Variants in PRELID2 observed in about 807,000 individuals in gnomAD.
PRELID2 encodes the protein PRELI domain containing 2, also known as PRELI domain-containing protein 2.
Under a neutral mutation model 28.4 loss-of-function variants are expected in PRELID2, and 25 were observed. The observed-to-expected ratio is 0.88, with a 90% CI of 0.64 to 1.23. The LOEUF (loss-of-function observed/expected upper bound fraction) is 1.23. PRELID2 is among the 50% of genes most tolerant of loss of function. The pLI is 0.00. For synonymous variants in PRELID2, 76 were observed against 71.6 expected, an observed-to-expected ratio of 1.06 and a Z score of -0.31; for missense variants, 201 against 214.4, an observed-to-expected ratio of 0.94 and a Z score of 0.39.
chr5:145,298,000 C>A, the PRELID2 span, among the ~76,000 whole-genome samples: 1 of 152,138 alleles, frequency 6.6e-6, no homozygotes, highest in African/African-American at 2.4e-5. Context: ...ACATTCCATT[C>A]TCATGGGTAG....
At chr5:145,784,497 T>G (rs546130543) in intron 5 of PRELID2, among the ~76,000 whole-genome samples, 1 of 152,260 alleles carries the variant, frequency 6.6e-6, no homozygotes, top group African/African-American at 2.4e-5. Context: ...AGTGCCAAAT[T>G]TGCGGAATTC....
rs1757279388 is a variant in PRELID2 at position 145,757,078 on chromosome 5, T to C, written c.*3458A>G. Among the ~76,000 whole-genome samples, 1 of 152,194 alleles carries C rather than the reference T, an allele frequency of 6.6e-6. No homozygotes were observed. Among genetic ancestry groups the C allele is most frequent in the Non-Finnish European group, 1.5e-5 (1 of 68,032 alleles). ...TACTAAATTAAGAAATAGTTTGATG[T>C]AAATGATTGAAATAAAGTAAAAAAG... is the stretch of plus-strand genomic sequence containing the variant. On this transcript the variant is annotated 3_prime_UTR_variant, in exon 7 of 7. Coordinates refer to ENST00000683046, the MANE Select transcript of PRELID2 (RefSeq NM_205846.3).
At chr5:145,237,384 A>G in the PRELID2 span, among the ~76,000 whole-genome samples, 1 of 152,148 alleles carries the variant, frequency 6.6e-6, no homozygotes, top group Non-Finnish European at 1.5e-5. Context: ...AGGGTGGGAT[A>G]GCTATATATG....
intron 1 of PRELID2, among the ~76,000 whole-genome samples, chr5:145,537,510 C>A (rs779580373): frequency 6.6e-6 from 1 of 151,976 alleles, no homozygotes; most frequent in Admixed American, 6.6e-5. Flanking sequence ...TGATAGTAGC[C>A]ATTCCAACAG....
At chr5:145,333,495 T>A in the PRELID2 span, among the ~76,000 whole-genome samples, 3 of 152,188 alleles carry the variant, frequency 2.0e-5, no homozygotes, top group African/African-American at 7.2e-5. Flanking sequence ...AGAGAGGCAG[T>A]CTGGCTACAG....
chr5:145,832,074 A>T (rs1654166), intron 1 of PRELID2, among the ~76,000 whole-genome samples: 10 of 152,036 alleles, frequency 6.6e-5, no homozygotes, highest in Non-Finnish European at 1.0e-4. Context: ...AACACACATC[A>T]AAGTTATATC....
chr5:145,483,638 C>G (rs1752186498), intron 1 of PRELID2, among the ~76,000 whole-genome samples: 1 of 152,202 alleles, frequency 6.6e-6, no homozygotes, highest in African/African-American at 2.4e-5. Flanking sequence ...ACACATCCAA[C>G]AAGTGATAGA....
the PRELID2 span, among the ~76,000 whole-genome samples, chr5:145,300,088 C>T: frequency 1.3e-5 from 2 of 152,170 alleles, no homozygotes; most frequent in South Asian, 2.1e-4. Context: ...CCCATCTTCA[C>T]TGCCTGTGTA....
chr5:145,645,116 G>A (rs902896368), intron 1 of PRELID2, among the ~76,000 whole-genome samples: 1 of 152,104 alleles, frequency 6.6e-6, no homozygotes, highest in South Asian at 2.1e-4. Context: ...ACAGTGGGGT[G>A]TTAAAGCCTC....
At chr5:145,807,699 C>T (rs917160725) in intron 4 of PRELID2, among the ~76,000 whole-genome samples, 1 of 152,126 alleles carries the variant, frequency 6.6e-6, no homozygotes. Flanking sequence ...CTTTTCCTTT[C>T]CTACCCACAA....
At chr5:145,322,241 T>C in the PRELID2 span, among the ~76,000 whole-genome samples, 1 of 152,222 alleles carries the variant, frequency 6.6e-6, no homozygotes, top group Non-Finnish European at 1.5e-5. Flanking sequence ...CACAAGAGTT[T>C]ATATTTCATT....
the PRELID2 span, among the ~76,000 whole-genome samples, chr5:145,435,182 T>C: frequency 6.6e-6 from 1 of 152,086 alleles, no homozygotes; most frequent in Admixed American, 6.6e-5. Context: ...AACTTATAAA[T>C]AAAGATGACA....
intron 1 of PRELID2, among the ~76,000 whole-genome samples, chr5:145,542,211 A>G (rs1450540238): frequency 3.3e-5 from 5 of 152,036 alleles, no homozygotes; most frequent in Non-Finnish European, 7.4e-5. Flanking sequence ...TCCTTTCCCC[A>G]AACAGCTTTC....
At chr5:145,285,596 C>A in the PRELID2 span, among the ~76,000 whole-genome samples, 1 of 152,082 alleles carries the variant, frequency 6.6e-6, no homozygotes, top group African/African-American at 2.4e-5. Flanking sequence ...AAAACAAAAT[C>A]ATTTTAAGTG....
chr5:145,436,660 G>A, the PRELID2 span, among the ~76,000 whole-genome samples: 6 of 152,044 alleles, frequency 3.9e-5, no homozygotes, highest in African/African-American at 1.4e-4. Flanking sequence ...CATTTATCCA[G>A]TAATTAGTGA....
intron 1 of PRELID2, among the ~76,000 whole-genome samples, chr5:145,531,357 G>T (rs1752653818): frequency 6.6e-6 from 1 of 152,146 alleles, no homozygotes; most frequent in Non-Finnish European, 1.5e-5. Context: ...TTTGACAAGT[G>T]AGAGGTAATT....
intron 1 of PRELID2, among the ~76,000 whole-genome samples, chr5:145,668,103 A>G (rs1754631407): frequency 6.6e-6 from 1 of 152,136 alleles, no homozygotes; most frequent in Admixed American, 6.6e-5. Context: ...GAACTAGGCT[A>G]TTGATCTGCA....
chr5:145,702,101 T>C (rs1171200129), intron 1 of PRELID2, among the ~76,000 whole-genome samples: 3 of 151,972 alleles, frequency 2.0e-5, no homozygotes, highest in Non-Finnish European at 4.4e-5. Flanking sequence ...ATATATTTAA[T>C]GTTTTTATTA....
At chr5:145,716,177 T>A (rs998516732) in intron 1 of PRELID2, among the ~76,000 whole-genome samples, 2 of 152,182 alleles carry the variant, frequency 1.3e-5, no homozygotes, top group African/African-American at 4.8e-5. Flanking sequence ...CTGGTCTAAG[T>A]CTTCTGTTAG....
Sources: allele counts gnomAD v4.1 joint callset (sites outside exome capture counted in the v4.1 genomes callset), GRCh38; gene constraint gnomAD v4.1.1; transcripts MANE v1.5; gene names NCBI Gene and HGNC (gene_info 2026-07-23, HGNC 2026-07-21).